ERCC3: variants seen among roughly 807,000 people sequenced by gnomAD.
The protein encoded by ERCC3 is ERCC excision repair 3, TFIIH core complex helicase subunit.
Under a neutral mutation model 94.2 loss-of-function variants are expected in ERCC3, and 66 were observed. The observed-to-expected ratio is 0.70, with a 90% CI of 0.57 to 0.86. ERCC3 has a LOEUF of 0.86. ERCC3 is among the 40% of genes least tolerant of loss of function. ERCC3 has a pLI of 0.00. For synonymous variants in ERCC3, 349 were observed against 369.1 expected (o/e 0.95, Z 0.63); for missense variants, 829 against 987.1 (o/e 0.84, Z 2.15).
chr2:127,265,562 G>C (rs1327940848), intron 12 of ERCC3, among the ~76,000 whole-genome samples: 1 of 152,152 alleles, frequency 6.6e-6, no homozygotes, highest in Non-Finnish European at 1.5e-5. Flanking sequence ...GGGATTACAA[G>C]CATGCGCCAC....
rs1042202818 is a variant in ERCC3, at chr2:127,277,781, C to T, written c.1730+1392G>A. On this transcript the variant is annotated intron_variant, in intron 10 of 14. Transcript: ENST00000285398. This position sits in a 1 kb window ranked among gnomAD's most constrained non-coding sequence, Gnocchi z 5.1. The stretch of plus-strand genomic sequence containing the variant: ...ATGTAACTGAATATTAAAGTAACCC[C>T]CAACTTGTGCTATTCCCATATTGGG... Among the ~76,000 whole-genome samples the T allele has an allele frequency of 6.6e-6, 1 of 152,176 alleles. No individual in the cohort carries two copies. The highest frequency in any genetic ancestry group is 1.5e-5 in the Non-Finnish European group (1 of 68,026).
Position 127,279,039 on chromosome 2 carries a change from G to A in ERCC3, c.1730+134C>T. 2 of 702,722 alleles carry A rather than the reference G, an allele frequency of 2.8e-6. No individual in the cohort carries two copies. The highest frequency in any genetic ancestry group is 2.5e-6 in the Non-Finnish European group (1 of 394,032). 43.5% of individuals were successfully genotyped at this position (702,722 alleles called of 1,614,324 possible). On this transcript the variant is annotated intron_variant, in intron 10 of 14. Transcript: ENST00000285398. The surrounding 1 kb of genome is among the most constrained non-coding windows in gnomAD (Gnocchi z 4.7). ...GTCTTCCCTGGTTTCTGAGACCAGG[G>A]CCACAGAACAAGATCTTTGGAGCCC...
In ERCC3 at chr2:127,265,689, T is replaced by C. The variant is rs185780725; in HGVS notation, c.1946-4343A>G. Among the ~76,000 whole-genome samples, 622 of 152,352 alleles carry C rather than the reference T, an allele frequency of 4.1e-3. 5 individuals are homozygous for C. Among genetic ancestry groups the C allele is most frequent in the African/African-American group, 0.014 (581 of 41,592 alleles). ...ACCTCGGCCTCCCAAAGTTCCAGGATTACAGGCATGAGCCACTGCGACTGG... is the reference window on the plus strand; with the variant it reads ...ACCTCGGCCTCCCAAAGTTCCAGGACTACAGGCATGAGCCACTGCGACTGG... On this transcript the variant is annotated intron_variant, in intron 12 of 14. Coordinates refer to ENST00000285398, the MANE Select transcript of ERCC3 (RefSeq NM_000122.2).
chr2:127,288,596 G>A (rs774732197), intron 7 of ERCC3, 64 bp downstream of exon 7: 18 of 1,353,418 alleles, frequency 1.3e-5, no homozygotes, highest in African/African-American at 5.7e-5. Flanking sequence ...GAGAGAAAGC[G>A]GGAGGCAGCT....
At chr2:127,288,544 G>C in intron 7 of ERCC3, 116 bp downstream of exon 7, 1 of 924,926 alleles carries the variant, frequency 1.1e-6, no homozygotes, top group South Asian at 1.3e-5. Context: ...GGAGTCACCT[G>C]ATCTTGGCTT....
chr2:127,289,005 C>G (rs572330519), intron 6 of ERCC3, 141 bp from the exon 7 acceptor site: 8 of 812,560 alleles, frequency 9.8e-6, no homozygotes, highest in Non-Finnish European at 1.5e-5. Flanking sequence ...AGTCAACAAC[C>G]GGGATAAAGC....
intron 13 of ERCC3, chr2:127,260,964 T>A (rs973814213): frequency 8.3e-6 from 4 of 481,666 alleles, no homozygotes; most frequent in Non-Finnish European, 1.5e-5. Flanking sequence ...TAGAGAGGCA[T>A]CCCTGAGAAA....
At position 127,280,053 on chromosome 2, in the gene ERCC3, G is replaced by T. The variant is rs1004940834; in HGVS notation, c.1527+394C>A. ...CACCTCTTCACACACTTCCCAGCAG[G>T]GCTGGGAGCATATCAGTTAGGCGCT... On this transcript the variant is annotated intron_variant, in intron 9 of 14. Transcript: ENST00000285398. This position sits in a 1 kb window ranked among gnomAD's most constrained non-coding sequence, Gnocchi z 6.3. 6.6e-6 allele frequency among the ~76,000 whole-genome samples: 1 copy of T among 152,092 alleles called. No homozygotes were observed. Among genetic ancestry groups the T allele is most frequent in the Non-Finnish European group, 1.5e-5 (1 of 68,016 alleles).
Position 127,286,745 on chromosome 2 carries a change from C to A in ERCC3, c.1300G>T (p.Glu434Ter), listed in dbSNP as rs1434876636. The A allele has an allele frequency of 4.1e-5, 66 of 1,613,986 alleles. No homozygotes were observed. The highest frequency in any genetic ancestry group is 5.4e-5 in the Non-Finnish European group (64 of 1,180,026). ...ERVMEWLKTQ[E>*]WGLMILDEVH... Reference sequence around the variant, plus strand: ...TCATCCAGGATCATGAGGCCCCACTCCTGGGTCTTGAGCCACTCCATGACT... The same window carrying A: ...TCATCCAGGATCATGAGGCCCCACTACTGGGTCTTGAGCCACTCCATGACT... Residue 434 changes from glutamate (E) to a stop codon, truncating the protein, a stop_gained, in exon 8 of 15, where the codon GAG becomes TAG. Coordinates refer to ENST00000285398, the MANE Select transcript of ERCC3 (RefSeq NM_000122.2). LOFTEE classifies it high-confidence loss of function.
chr2:127,259,642 AATG>A lies in ERCC3; in HGVS notation c.2065-197_2065-195del. ...GCCGCCTTTAACAGGGAGCTTGACTAATGATCTCAAGACCAGAGGGATGCAGGA... is the reference window on the plus strand; with the variant it reads ...GCCGCCTTTAACAGGGAGCTTGACTAATCTCAAGACCAGAGGGATGCAGGA... On this transcript the variant is annotated intron_variant, in intron 13 of 14. Coordinates refer to ENST00000285398, the MANE Select transcript of ERCC3 (RefSeq NM_000122.2). This position sits in a 1 kb window ranked among gnomAD's most constrained non-coding sequence, Gnocchi z 4.9. 1 of 661,900 alleles carries A rather than the reference AATG, an allele frequency of 1.5e-6. No individual in the cohort carries two copies. Among genetic ancestry groups the A allele is most frequent in the Non-Finnish European group, 2.7e-6 (1 of 372,034 alleles). 41.0% of individuals were successfully genotyped at this position (661,900 alleles called of 1,614,324 possible).
chr2:127,288,098 C>T (rs1363514388), intron 7 of ERCC3, among the ~76,000 whole-genome samples: 6 of 152,172 alleles, frequency 3.9e-5, no homozygotes, highest in Admixed American at 3.3e-4. Flanking sequence ...GGTGAGTCTG[C>T]TGTGGTCTCT....
intron 10 of ERCC3, among the ~76,000 whole-genome samples, chr2:127,275,398 G>C (rs1191640761): frequency 6.6e-6 from 1 of 151,890 alleles, no homozygotes; most frequent in African/African-American, 2.4e-5. Flanking sequence ...AAAGGCCAGA[G>C]ACACAAAAAA....
chr2:127,257,844 T>C lies in ERCC3; in HGVS notation c.2218-117A>G, dbSNP rs971608170. 3.0e-5 allele frequency: 35 copies of C among 1,163,516 alleles called. No homozygotes were observed. Among genetic ancestry groups the C allele is most frequent in the Non-Finnish European group, 4.3e-5 (34 of 796,414 alleles). The allele number at this position is 1,163,516 out of a possible 1,614,324, so 72.1% of individuals were successfully genotyped here. On this transcript the variant is annotated intron_variant, in intron 14 of 14. Coordinates refer to ENST00000285398, the MANE Select transcript of ERCC3 (RefSeq NM_000122.2). This position sits in a 1 kb window ranked among gnomAD's most constrained non-coding sequence, Gnocchi z 5.4. ...TTACATAAATTTAATACATCATTTT[T>C]AATAATGTTTACAGATCGCTTACTG...
chr2:127,292,823 CAAG>C lies in ERCC3; in HGVS notation c.255_257del (p.Phe85del). On this transcript the variant is annotated inframe_deletion, in exon 3 of 15. Transcript: ENST00000285398. ...ATTTGTAAACTGGAGAGAAGGCTTCCAAGAAGATATGGCCATCGGGAGCCTGAG... is the reference window on the plus strand; with the variant it reads ...ATTTGTAAACTGGAGAGAAGGCTTCCAAGATATGGCCATCGGGAGCCTGAG... 1 of 1,613,050 alleles carries C rather than the reference CAAG, an allele frequency of 6.2e-7. No homozygotes were observed. The highest frequency in any genetic ancestry group is 1.1e-5 in the South Asian group (1 of 91,064).
intron 7 of ERCC3, among the ~76,000 whole-genome samples, chr2:127,288,101 T>C (rs991292508): frequency 2.6e-5 from 4 of 152,154 alleles, no homozygotes; most frequent in African/African-American, 9.7e-5. Flanking sequence ...GAGTCTGCTG[T>C]GGTCTCTGGC....
intron 12 of ERCC3, among the ~76,000 whole-genome samples, chr2:127,266,298 T>C (rs1421543885): frequency 6.6e-6 from 1 of 151,096 alleles, no homozygotes; most frequent in African/African-American, 2.4e-5. Flanking sequence ...AAGAAAATGC[T>C]TGGTATGATT....
intron 12 of ERCC3, among the ~76,000 whole-genome samples, chr2:127,266,944 G>A (rs113473012): frequency 2.4e-4 from 36 of 152,102 alleles, no homozygotes; most frequent in Non-Finnish European, 4.3e-4. Context: ...GCAAACTCCC[G>A]AGCTCAGGCA....
chr2:127,264,648 C>T lies in ERCC3; in HGVS notation c.1946-3302G>A, dbSNP rs925219355. ...TATGCTGCTGGATTTGCTTTGTCCT[C>T]ATTTTGTTACAGATTTTTGCGTCTG... On this transcript the variant is annotated intron_variant, in intron 12 of 14. Transcript: ENST00000285398. The surrounding 1 kb of genome is among the most constrained non-coding windows in gnomAD (Gnocchi z 4.4). Among the ~76,000 whole-genome samples the T allele has an allele frequency of 5.3e-5, 8 of 152,136 alleles. 1 individual carries two copies. Among genetic ancestry groups the T allele is most frequent in the African/African-American group, 1.9e-4 (8 of 41,432 alleles).
At chr2:127,275,549 G>A (rs1443363755) in intron 10 of ERCC3, among the ~76,000 whole-genome samples, 1 of 152,208 alleles carries the variant, frequency 6.6e-6, no homozygotes, top group Non-Finnish European at 1.5e-5. Flanking sequence ...TGCTCGGGAG[G>A]CTGCGGCTAA....
Sources: allele counts gnomAD v4.1 joint callset (sites outside exome capture counted in the v4.1 genomes callset), GRCh38; gene constraint gnomAD v4.1.1; non-coding constraint Gnocchi (gnomAD v3.1); transcripts MANE v1.5; gene names NCBI Gene and HGNC (gene_info 2026-07-23, HGNC 2026-07-21).